NBPF3: variants seen among roughly 807,000 people sequenced by gnomAD.
NBPF3 encodes NBPF member 3, also known as NBPF family member NBPF3.
Under a neutral mutation model 78.1 loss-of-function variants are expected in NBPF3, and 57 were observed. That is an observed-to-expected ratio of 0.73 (90% CI 0.59 to 0.91). The LOEUF is 0.91. NBPF3 is among the 40% of genes least tolerant of loss of function. The pLI, the probability that NBPF3 is intolerant of heterozygous loss-of-function variation, is 0.00. For missense variants in NBPF3, 510 were observed against 715.3 expected, an observed-to-expected ratio of 0.71 and a Z score of 3.27; for synonymous variants, 182 against 271.7, an observed-to-expected ratio of 0.67 and a Z score of 3.25.
At chr1:21,462,646 ACT>A (rs1413288609) in intron 2 of NBPF3, among the ~76,000 whole-genome samples, 1 of 152,260 alleles carries the variant, frequency 6.6e-6, no homozygotes, top group Non-Finnish European at 1.5e-5. Context: ...CAAGTGACAC[ACT>A]GTTTCCTTGG....
rs1271286805 is a variant in NBPF3, at chr1:21,468,676, T to G, written c.134-12T>G. ...TTTTAACCCATCGTGTGTTTGGGTG[T>G]CTTCTCCCCAGTCCCTGGCCCCACC... On this transcript the variant is annotated splice_polypyrimidine_tract_variant and intron_variant, in intron 2 of 14. Coordinates refer to ENST00000318249, the MANE Select transcript of NBPF3 (RefSeq NM_032264.6). 1 of 1,612,356 alleles carries G rather than the reference T, an allele frequency of 6.2e-7. No individual in the cohort carries two copies. Among genetic ancestry groups the G allele is most frequent in the Non-Finnish European group, 8.5e-7 (1 of 1,178,810 alleles).
intron 1 of NBPF3, chr1:21,440,727 T>C (rs1640591967): frequency 6.6e-6 from 1 of 152,410 alleles, no homozygotes; most frequent in South Asian, 2.1e-4. Context: ...GCGAGAGCGC[T>C]CGCGCCCCTG....
chr1:21,473,143 C>T (rs1182241698), intron 6 of NBPF3, among the ~76,000 whole-genome samples: 2 of 152,184 alleles, frequency 1.3e-5, no homozygotes, highest in African/African-American at 4.8e-5. Flanking sequence ...TCATCCTCCT[C>T]GGCTCCTATC....
chr1:21,445,414 C>T (rs980934033), intron 2 of NBPF3, among the ~76,000 whole-genome samples, 195 bp downstream of exon 2: 1 of 152,214 alleles, frequency 6.6e-6, no homozygotes, highest in Non-Finnish European at 1.5e-5. Flanking sequence ...CCTGCAGTGC[C>T]GTGGTCAGGT....
At chr1:21,467,254 A>G in intron 2 of NBPF3, 4 of 985,368 alleles carry the variant, frequency 4.1e-6, no homozygotes, top group Non-Finnish European at 4.8e-6. Context: ...TCCTTCCTTC[A>G]CTACCACATG....
Position 21,460,270 on chromosome 1 carries a change from A to C in NBPF3, c.134-8418A>C, listed in dbSNP as rs2147948480. On this transcript the variant is annotated intron_variant, in intron 2 of 14. Transcript: ENST00000318249. This position sits in a 1 kb window ranked among gnomAD's most constrained non-coding sequence, Gnocchi z 4.2. ...TTAAGTTCTAGGATACTTGTGCACA[A>C]CGTGCAGGTTTGTTACATAGGTGTA... Among the ~76,000 whole-genome samples, 1 of 152,348 alleles carries C rather than the reference A, an allele frequency of 6.6e-6. No individual in the cohort carries two copies. The highest frequency in any genetic ancestry group is 2.4e-5 in the African/African-American group (1 of 41,570).
At chr1:21,478,361 C>T in intron 9 of NBPF3, 54 bp downstream of exon 9, 1 of 1,588,630 alleles carries the variant, frequency 6.3e-7, no homozygotes, top group South Asian at 1.1e-5. Flanking sequence ...CCAGGTAGAC[C>T]CCATAATCTT....
At chr1:21,447,510 G>A (rs1641057920) in intron 2 of NBPF3, among the ~76,000 whole-genome samples, 1 of 152,190 alleles carries the variant, frequency 6.6e-6, no homozygotes, top group Non-Finnish European at 1.5e-5. Context: ...GGTACAGGAT[G>A]TGGGTTTCCA....
chr1:21,445,012 G>T lies in NBPF3; in HGVS notation c.-75G>T. On this transcript the variant is annotated 5_prime_UTR_variant, in exon 2 of 15. Transcript: ENST00000318249. ...TTCCTGGTGACCCAGGCTCTCACCA[G>T]CCAATTGTCCCTTGCCGTCCTCCTG... 1 of 1,507,110 alleles carries T rather than the reference G, an allele frequency of 6.6e-7. No homozygotes were observed. The highest frequency in any genetic ancestry group is 8.9e-7 in the Non-Finnish European group (1 of 1,119,846). 93.4% of individuals were successfully genotyped at this position (1,507,110 alleles called of 1,614,324 possible).
At chr1:21,472,944 TG>T in intron 6 of NBPF3, 29 bp downstream of exon 6, 1 of 1,530,192 alleles carries the variant, frequency 6.5e-7, no homozygotes, top group Non-Finnish European at 9.1e-7. Context: ...GAGCAAGTAA[TG>T]GGTGGTAACA....
chr1:21,467,613 C>T (rs1284581391), intron 2 of NBPF3, among the ~76,000 whole-genome samples: 1 of 152,204 alleles, frequency 6.6e-6, no homozygotes, highest in African/African-American at 2.4e-5. Context: ...AACCGCCGCT[C>T]ATGGCCCTGT....
chr1:21,449,874 A>C (rs578214280), intron 2 of NBPF3: 1 of 666,340 alleles, frequency 1.5e-6, no homozygotes, highest in East Asian at 1.4e-4. Context: ...AAGGGCTCTG[A>C]AACAGCCACA....
At chr1:21,450,959 AC>A (rs1486985345) in intron 2 of NBPF3, among the ~76,000 whole-genome samples, 1 of 152,138 alleles carries the variant, frequency 6.6e-6, no homozygotes, top group African/African-American at 2.4e-5. Flanking sequence ...TGGAAATGGA[AC>A]TGGGCAAAAT....
intron 9 of NBPF3, 71 bp downstream of exon 9, chr1:21,478,378 T>C: frequency 6.5e-7 from 1 of 1,535,386 alleles, no homozygotes; most frequent in South Asian, 1.1e-5. Flanking sequence ...TCTTTGGGCC[T>C]TGTGACCCTG....
chr1:21,449,029 A>T (rs563527794), intron 2 of NBPF3, among the ~76,000 whole-genome samples: 3 of 152,318 alleles, frequency 2.0e-5, no homozygotes, highest in African/African-American at 7.2e-5. Context: ...AAGGTGATAT[A>T]TAGAATTGTG....
chr1:21,468,273 A>G, intron 2 of NBPF3: 1 of 460,434 alleles, frequency 2.2e-6, no homozygotes, highest in Non-Finnish European at 3.1e-6. Context: ...CATTGTCACA[A>G]GGGTACACGA....
upstream of NBPF3, chr1:21,440,130 CGCAG>C (rs1640530390): frequency 6.6e-6 from 1 of 152,308 alleles, no homozygotes; most frequent in Non-Finnish European, 1.5e-5. Context: ...CAGGCGCAGG[CGCAG>C]GCACAGGCGA....
rs998171325 is a variant in NBPF3 at position 21,445,022 on chromosome 1, C to G, written c.-65C>G. The G allele has an allele frequency of 2.0e-6, 3 of 1,537,762 alleles. No homozygotes were observed. The Admixed American group carries it at 5.9e-5, about 30-fold the overall frequency. ...CCCAGGCTCTCACCAGCCAATTGTCCCTTGCCGTCCTCCTGAGGGTATCTG... is the reference window on the plus strand; with the variant it reads ...CCCAGGCTCTCACCAGCCAATTGTCGCTTGCCGTCCTCCTGAGGGTATCTG... On this transcript the variant is annotated 5_prime_UTR_variant, in exon 2 of 15. Transcript: ENST00000318249.
At position 21,461,115 on chromosome 1, in the gene NBPF3, C is replaced by T. The variant is rs375817814; in HGVS notation, c.134-7573C>T. Among the ~76,000 whole-genome samples, 15 of 152,298 alleles carry T rather than the reference C, an allele frequency of 9.8e-5. 1 individual carries two copies. The East Asian group carries it at 1.3e-3, about 14-fold the overall frequency. On this transcript the variant is annotated intron_variant, in intron 2 of 14. Transcript: ENST00000318249. Reference sequence around the variant, plus strand: ...GGGAATGTAGAGCAACTGGAAATGGCCTACATCTTTCATAGAAATGTAAAA... The same window carrying T: ...GGGAATGTAGAGCAACTGGAAATGGTCTACATCTTTCATAGAAATGTAAAA...
Sources: gnomAD v4.1 joint callset for allele counts (sites outside exome capture counted in the v4.1 genomes callset) on GRCh38, gnomAD v4.1.1 for gene constraint, Gnocchi (gnomAD v3.1) non-coding constraint, MANE v1.5 for transcripts, NCBI Gene and HGNC (gene_info 2026-07-23, HGNC 2026-07-21) for gene names.